RNF128: variants seen among roughly 807,000 people sequenced by gnomAD.
The protein encoded by RNF128 is ring finger protein 128.
A neutral mutation model predicts 26.2 loss-of-function variants in RNF128; 13 were observed. The ratio of observed to expected loss-of-function variants is 0.50; its 90% CI spans 0.32 to 0.79. RNF128 has a LOEUF of 0.79. RNF128 is among the 30% of genes least tolerant of loss of function. RNF128 has a pLI of 0.03. For missense variants in RNF128, 315 were observed against 349.7 expected, an observed-to-expected ratio of 0.90 and a Z score of 0.79; for synonymous variants, 149 against 142.5, an observed-to-expected ratio of 1.05 and a Z score of -0.32.
chrX:106,752,131 C>G (rs1325701055), intron 1 of RNF128, among the ~76,000 whole-genome samples: 2 of 111,639 alleles, frequency 1.8e-5, no homozygotes, highest in African/African-American at 6.5e-5. Flanking sequence ...AGAAGGGACA[C>G]CACCACCCTG....
chrX:106,742,491 GT>G (rs1429236588), intron 1 of RNF128, among the ~76,000 whole-genome samples: 2 of 111,553 alleles, frequency 1.8e-5, no homozygotes, highest in Admixed American at 9.6e-5. Flanking sequence ...AGAGCTCAGT[GT>G]TTTAACAAGT....
At chrX:106,778,741 G>T (rs1055645693) in intron 2 of RNF128, among the ~76,000 whole-genome samples, 5 of 111,776 alleles carry the variant, frequency 4.5e-5, no homozygotes, top group African/African-American at 1.6e-4. Flanking sequence ...ACACATTTCT[G>T]TAGTTTGCTG....
intron 2 of RNF128, among the ~76,000 whole-genome samples, chrX:106,783,685 C>G (rs1284352575): frequency 9.0e-6 from 1 of 111,452 alleles, no homozygotes; most frequent in Non-Finnish European, 1.9e-5. Context: ...TAAAGGAATA[C>G]CTGAGGCTGG....
chrX:106,779,110 A>G (rs1202564004), intron 2 of RNF128, among the ~76,000 whole-genome samples: 2 of 111,667 alleles, frequency 1.8e-5, no homozygotes, highest in Non-Finnish European at 3.8e-5. Flanking sequence ...TAGTTTTACA[A>G]TATTTCTTCT....
Position 106,744,215 on chromosome X carries a change from G to A in RNF128, c.484+16818G>A, listed in dbSNP as rs936100315. ...GTATACATATGTAACAAACCTGCAC[G>A]TTGTGCACATGTACCCTAGAACTTA... is the stretch of plus-strand genomic sequence containing the variant. On this transcript the variant is annotated intron_variant, in intron 1 of 6. Coordinates refer to ENST00000255499, the MANE Select transcript of RNF128 (RefSeq NM_194463.2). Among the ~76,000 whole-genome samples the A allele has an allele frequency of 2.7e-5, 3 of 111,125 alleles. No homozygotes were observed. The East Asian group carries it at 8.6e-4, about 32-fold the overall frequency.
At chrX:106,750,329 T>C (rs763227072) in intron 1 of RNF128, among the ~76,000 whole-genome samples, 1 of 112,193 alleles carries the variant, frequency 8.9e-6, no homozygotes, top group African/African-American at 3.2e-5. Context: ...TTAGGTTTCA[T>C]TGAAGATAAC....
At position 106,787,898 on chromosome X, in the gene RNF128, C is replaced by CAA. The variant is rs1191780002; in HGVS notation, c.805-19_805-18dup. 1.9e-5 allele frequency: 21 copies of CAA among 1,117,165 alleles called. No homozygotes were observed. Among genetic ancestry groups the CAA allele is most frequent in the Non-Finnish European group, 2.4e-5 (20 of 818,655 alleles). The allele number at this position is 1,117,165 out of a possible 1,213,427, so 92.1% of individuals were successfully genotyped here. A position where few individuals can be genotyped will look rare whatever the true frequency, so the allele number is the denominator to read the frequency against. ...TATTTTTTCTTATCTGTCAGAGTAA[C>CAA]AATAACTACTTGCTTGTAGGAAATT... On this transcript the variant is annotated intron_variant, in intron 3 of 6. Transcript: ENST00000255499.
chrX:106,715,399 A>C (rs1459657505), intron 1 of RNF128, among the ~76,000 whole-genome samples: 1 of 112,565 alleles, frequency 8.9e-6, no homozygotes, highest in Non-Finnish European at 1.9e-5. Context: ...AAGCATCCAA[A>C]ATAGGAAAAA....
intron 2 of RNF128, among the ~76,000 whole-genome samples, chrX:106,776,744 A>G (rs913092473): frequency 1.5e-4 from 17 of 111,415 alleles, no homozygotes; most frequent in African/African-American, 5.5e-4. Flanking sequence ...TGCAACTTGC[A>G]CTGCTGATCT....
intron 2 of RNF128, among the ~76,000 whole-genome samples, chrX:106,783,200 C>A (rs1445632613): frequency 9.0e-6 from 1 of 111,418 alleles, no homozygotes; most frequent in East Asian, 2.8e-4. Context: ...TTCTCCTTGG[C>A]ATTAAGCTAA....
chrX:106,720,987 G>C (rs1457972662), intron 1 of RNF128, among the ~76,000 whole-genome samples: 1 of 111,303 alleles, frequency 9.0e-6, no homozygotes, highest in South Asian at 3.8e-4. Context: ...TCCTTTCTTT[G>C]GGTGCATGAA....
At chrX:106,765,964 C>T (rs1193459655) in intron 1 of RNF128, among the ~76,000 whole-genome samples, 6 of 104,983 alleles carry the variant, frequency 5.7e-5, no homozygotes, top group African/African-American at 1.7e-4. Flanking sequence ...TGAGAACATG[C>T]GGTGTTTGGT....
chrX:106,722,623 G>A (rs1312149511), upstream of RNF128, among the ~76,000 whole-genome samples: 1 of 111,929 alleles, frequency 8.9e-6, no homozygotes, highest in Non-Finnish European at 1.9e-5. Flanking sequence ...TCTTAGCTTT[G>A]TAAGCCTCGA....
chrX:106,708,401 G>A (rs1929076545), intron 1 of RNF128, among the ~76,000 whole-genome samples: 2 of 112,121 alleles, frequency 1.8e-5, no homozygotes, highest in African/African-American at 3.2e-5. Flanking sequence ...TTCACTGCAC[G>A]ATATTGTGGA....
At chrX:106,762,113 A>T (rs767733068) in intron 1 of RNF128, among the ~76,000 whole-genome samples, 8 of 110,532 alleles carry the variant, frequency 7.2e-5, no homozygotes, top group Non-Finnish European at 1.5e-4. Flanking sequence ...TTGTGGTAAC[A>T]TCATTCAAAA....
At chrX:106,700,546 C>CA (rs200492021) in intron 1 of RNF128, among the ~76,000 whole-genome samples, 12,853 of 111,255 alleles carry the variant, frequency 0.12, 1,846 homozygotes, top group African/African-American at 0.4. Flanking sequence ...GTAAATTTGG[C>CA]AAACTATTGT....
At chrX:106,795,360 G>A (rs184666261) in intron 6 of RNF128, among the ~76,000 whole-genome samples, 164 of 111,362 alleles carry the variant, frequency 1.5e-3, no homozygotes, top group Non-Finnish European at 2.8e-3. Context: ...GCACATGTAC[G>A]TGAATCAAAA....
chrX:106,758,887 G>A (rs897576649), intron 1 of RNF128, among the ~76,000 whole-genome samples: 1 of 111,422 alleles, frequency 9.0e-6, no homozygotes, highest in African/African-American at 3.3e-5. Context: ...GATTACCTGA[G>A]CAATACCCCA....
At chrX:106,728,910 C>T (rs950763224) in intron 1 of RNF128, among the ~76,000 whole-genome samples, 1 of 111,324 alleles carries the variant, frequency 9.0e-6, no homozygotes, top group African/African-American at 3.3e-5. Context: ...CTCTCTTGGC[C>T]GATAATTCAT....
Sources: allele counts gnomAD v4.1 joint callset (sites outside exome capture counted in the v4.1 genomes callset), GRCh38; gene constraint gnomAD v4.1.1; transcripts MANE v1.5; gene names NCBI Gene and HGNC (gene_info 2026-07-23, HGNC 2026-07-21).